The following ACSM1 variants were observed in gnomAD, a reference collection of about 807,000 sequenced individuals.
ACSM1 encodes acyl-coenzyme A synthetase ACSM1, mitochondrial.
Under a neutral mutation model 75.8 loss-of-function variants are expected in ACSM1, and 79 were observed. That is an observed-to-expected ratio of 1.04 (90% CI 0.87 to 1.26). The LOEUF is 1.26. Among genes scored for constraint, ACSM1 ranks in the 50% most tolerant of loss-of-function variants. The probability of loss-of-function intolerance (pLI) is 0.00; values close to 1 mark genes in which losing one functional copy is unlikely to be tolerated. For missense variants in ACSM1, 676 were observed against 720.1 expected (o/e 0.94, Z 0.70); for synonymous variants, 279 against 265.8 (o/e 1.05, Z -0.48).
At chr16:20,656,566 A>G (rs1426688818) in intron 7 of ACSM1, among the ~76,000 whole-genome samples, 1 of 152,172 alleles carries the variant, frequency 6.6e-6, no homozygotes, top group African/African-American at 2.4e-5. Flanking sequence ...AAAAAATGTA[A>G]ATTTCTTTTT....
At chr16:20,643,360 T>C (rs988017353) in intron 7 of ACSM1, among the ~76,000 whole-genome samples, 1 of 152,172 alleles carries the variant, frequency 6.6e-6, no homozygotes, top group African/African-American at 2.4e-5. Context: ...GATAGTCCCT[T>C]TGTGGTTGCC....
intron 6 of ACSM1, among the ~76,000 whole-genome samples, chr16:20,665,958 G>A (rs548930681): frequency 7.8e-4 from 118 of 152,124 alleles, no homozygotes; most frequent in Non-Finnish European, 1.4e-3. Context: ...AGCCCCTCAA[G>A]AAATGAGGCA....
At chr16:20,671,294 T>C (rs1199509557) in intron 5 of ACSM1, among the ~76,000 whole-genome samples, 3 of 152,126 alleles carry the variant, frequency 2.0e-5, no homozygotes, top group Non-Finnish European at 2.9e-5. Context: ...AAAACCTAAA[T>C]GTGCCTCCTT....
Position 20,623,401 on chromosome 16 carries a change from C to T in ACSM1, c.*85G>A. On this transcript the variant is annotated 3_prime_UTR_variant, in exon 14 of 14. Coordinates refer to ENST00000520010, the MANE Select transcript of ACSM1 (RefSeq NM_001318890.3). ...TTCCCAAATCAACACTCTCAATGCC[C>T]CACCCTCGTCCTCACCATAGTGGGG... 1.7e-6 allele frequency: 2 copies of T among 1,178,578 alleles called. No individual in the cohort carries two copies. The highest frequency in any genetic ancestry group is 2.5e-6 in the Non-Finnish European group (2 of 797,998). 73.0% of individuals were successfully genotyped at this position (1,178,578 alleles called of 1,614,324 possible).
Position 20,640,548 on chromosome 16 carries a change from G to C in ACSM1, c.1029C>G (p.Gly343=), listed in dbSNP as rs377637288. Residue 343 remains glycine, a synonymous_variant, in exon 8 of 14, where the codon GGC becomes GGG. Coordinates refer to ENST00000520010, the MANE Select transcript of ACSM1 (RefSeq NM_001318890.3). ...GATCCTTGGGCAACACGACCTCCCC[G>C]CCAGTATAGCAGTGCTCCAGGGCAG... The part of the protein sequence containing the change: ...RFPALEHCYT[G]GEVVLPKDQE... 1.9e-6 allele frequency: 3 copies of C among 1,614,090 alleles called. No individual in the cohort carries two copies. The highest frequency in any genetic ancestry group is 2.5e-6 in the Non-Finnish European group (3 of 1,180,004).
chr16:20,630,123 T>G (rs191405454), intron 10 of ACSM1, among the ~76,000 whole-genome samples: 379 of 124,998 alleles, frequency 3.0e-3, no homozygotes, highest in African/African-American at 9.7e-3. Flanking sequence ...AAAAACTTGT[T>G]TTTTTTTTTT....
At position 20,682,268 on chromosome 16, in the gene ACSM1, C is replaced by A. The variant is rs148646745; in HGVS notation, c.599G>T (p.Arg200Leu). ...DHSREGWLDF[R>L]SLVKSASPEH... ...ACCAGAGACTCACTTAACCAGCGAT[C>A]GGAAGTCCAGCCACCCTTCACGGCT... Residue 200 changes from arginine (R) to leucine (L), a missense_variant, in exon 4 of 14, where the codon CGA becomes CTA. By Grantham distance (102) the Arg-to-Leu change is moderately radical. Transcript: ENST00000520010. 2 of 1,612,898 alleles carry A rather than the reference C, an allele frequency of 1.2e-6. No individual in the cohort carries two copies. The highest frequency in any genetic ancestry group is 1.1e-5 in the South Asian group (1 of 91,012).
chr16:20,627,141 G>A (rs996563789), intron 11 of ACSM1, 48 bp downstream of exon 11: 19 of 1,479,394 alleles, frequency 1.3e-5, no homozygotes, highest in Non-Finnish European at 1.5e-5. Flanking sequence ...AAAATTCCGT[G>A]AGGCATGTGA....
At chr16:20,649,361 C>A (rs1164869453) in intron 7 of ACSM1, among the ~76,000 whole-genome samples, 1 of 152,142 alleles carries the variant, frequency 6.6e-6, no homozygotes. Context: ...AAATATTTTA[C>A]CCCTGAACAT....
At chr16:20,650,283 G>A (rs1039368880) in intron 7 of ACSM1, among the ~76,000 whole-genome samples, 3 of 152,014 alleles carry the variant, frequency 2.0e-5, no homozygotes, top group Non-Finnish European at 4.4e-5. Context: ...CTGAAGTGTC[G>A]TTTTCACAGA....
intron 5 of ACSM1, among the ~76,000 whole-genome samples, chr16:20,670,439 C>A (rs964298363): frequency 5.3e-5 from 8 of 152,220 alleles, no homozygotes; most frequent in African/African-American, 1.9e-4. Context: ...GAGCCTTTAA[C>A]TGGTCTTCCC....
intron 7 of ACSM1, among the ~76,000 whole-genome samples, chr16:20,643,174 G>A (rs550399759): frequency 6.6e-6 from 1 of 152,300 alleles, no homozygotes; most frequent in African/African-American, 2.4e-5. Context: ...AGAGTTGGGG[G>A]TTGTTAGAGA....
chr16:20,669,480 A>C (rs2019766223), intron 6 of ACSM1, among the ~76,000 whole-genome samples: 1 of 145,116 alleles, frequency 6.9e-6, no homozygotes, highest in Non-Finnish European at 1.5e-5. Flanking sequence ...ACACACACAC[A>C]CACCCCAGCT....
chr16:20,661,484 T>A (rs1649482489), intron 7 of ACSM1, among the ~76,000 whole-genome samples: 1 of 152,184 alleles, frequency 6.6e-6, no homozygotes, highest in Admixed American at 6.6e-5. Context: ...GTGAGTGGGT[T>A]ACACAGATAT....
intron 8 of ACSM1, 47 bp from the exon 9 acceptor site, chr16:20,637,498 T>C (rs1393074530): frequency 6.7e-7 from 1 of 1,497,442 alleles, no homozygotes; most frequent in Non-Finnish European, 9.3e-7. Context: ...GAGGCCAGGC[T>C]GATCACAAAG....
chr16:20,631,748 A>G lies in ACSM1; in HGVS notation c.1300-4432T>C, dbSNP rs149574261. Among the ~76,000 whole-genome samples the G allele has an allele frequency of 4.3e-4, 66 of 152,312 alleles. No individual in the cohort carries two copies. In the East Asian group the frequency reaches 0.013, roughly 29 times the overall value. Reference sequence around the variant, plus strand: ...GAAGGAGCTGGAGGCCATTATTCTAAGTGAAGTAACTCAGAAATGGAAAAC... The same window carrying G: ...GAAGGAGCTGGAGGCCATTATTCTAGGTGAAGTAACTCAGAAATGGAAAAC... On this transcript the variant is annotated intron_variant, in intron 10 of 13. Coordinates refer to ENST00000520010, the MANE Select transcript of ACSM1 (RefSeq NM_001318890.3).
At chr16:20,625,373 G>C (rs1459264408) in intron 12 of ACSM1, 50 bp downstream of exon 12, 1 of 1,572,852 alleles carries the variant, frequency 6.4e-7, no homozygotes, top group Non-Finnish European at 8.7e-7. Context: ...CCCTGCACCT[G>C]CTTTCCTAGT....
intron 11 of ACSM1, among the ~76,000 whole-genome samples, chr16:20,626,931 C>T (rs1303758311): frequency 1.3e-5 from 2 of 152,048 alleles, no homozygotes; most frequent in Non-Finnish European, 2.9e-5. Flanking sequence ...ATTCCACTCC[C>T]CCCACCCCAC....
At chr16:20,691,686 C>T (rs1384833273) in intron 1 of ACSM1, among the ~76,000 whole-genome samples, 1 of 151,160 alleles carries the variant, frequency 6.6e-6, no homozygotes, top group African/African-American at 2.4e-5. Flanking sequence ...TTGATTGGTC[C>T]AGGGTTGAGC....
Sources: allele counts gnomAD v4.1 joint callset (sites outside exome capture counted in the v4.1 genomes callset), GRCh38; gene constraint gnomAD v4.1.1; transcripts MANE v1.5; gene names NCBI Gene and HGNC (gene_info 2026-07-23, HGNC 2026-07-21).